The following ST13 variants were observed in gnomAD, a reference collection of about 807,000 sequenced individuals.
ST13 encodes ST13 Hsp70 interacting protein, also known as hsc70-interacting protein.
ST13 carries 23 observed loss-of-function variants against 56.7 expected under a neutral mutation model. The observed-to-expected ratio is 0.41, with a 90% CI of 0.29 to 0.57. ST13 has a LOEUF of 0.57. Ranked by LOEUF, ST13 falls within the 20% of genes least tolerant of loss-of-function variation. The pLI, the probability that ST13 is intolerant of heterozygous loss-of-function variation, is 0.36. For synonymous variants in ST13, 132 were observed against 142.4 expected, an observed-to-expected ratio of 0.93 and a Z score of 0.52; for missense variants, 369 against 459.9, an observed-to-expected ratio of 0.80 and a Z score of 1.81.
intron 8 of ST13, 31 bp downstream of exon 8, chr22:40,832,538 A>G (rs780130391): frequency 1.3e-6 from 2 of 1,527,496 alleles, no homozygotes; most frequent in South Asian, 2.2e-5. Context: ...GTATTTAACT[A>G]ATGACTTTCC....
intron 3 of ST13, 46 bp downstream of exon 3, chr22:40,848,247 TA>T: frequency 7.5e-7 from 1 of 1,339,024 alleles, no homozygotes; most frequent in Non-Finnish European, 1.1e-6. Context: ...ATCAACAAAG[TA>T]TCACATCATA....
intron 2 of ST13, among the ~76,000 whole-genome samples, chr22:40,850,185 T>C (rs953324242): frequency 6.6e-6 from 1 of 152,152 alleles, no homozygotes; most frequent in Non-Finnish European, 1.5e-5. Context: ...TTGAAGCCAG[T>C]AGGCTGAGGT....
At chr22:40,849,941 A>G (rs1406840400) in intron 2 of ST13, among the ~76,000 whole-genome samples, 1 of 151,596 alleles carries the variant, frequency 6.6e-6, no homozygotes, top group Non-Finnish European at 1.5e-5. Flanking sequence ...TTAGATATGA[A>G]GGCAGAAGAG....
chr22:40,855,509 T>C (rs997185474), intron 1 of ST13, among the ~76,000 whole-genome samples: 14 of 152,242 alleles, frequency 9.2e-5, no homozygotes, highest in African/African-American at 3.1e-4. Context: ...ATGGTCTGCA[T>C]AGTTGCTATT....
intron 4 of ST13, among the ~76,000 whole-genome samples, chr22:40,842,457 C>G (rs190306838): frequency 6.6e-6 from 1 of 152,278 alleles, no homozygotes; most frequent in Admixed American, 6.5e-5. Flanking sequence ...TTACAAATAA[C>G]CAAGTAGACT....
chr22:40,851,754 T>C (rs1169614163), intron 1 of ST13, among the ~76,000 whole-genome samples: 1 of 151,874 alleles, frequency 6.6e-6, no homozygotes, highest in African/African-American at 2.4e-5. Context: ...GGTTCTTTTT[T>C]TTTTTTTTTG....
intron 5 of ST13, among the ~76,000 whole-genome samples, chr22:40,838,905 C>T (rs867935265): frequency 2.8e-5 from 3 of 106,992 alleles, no homozygotes; most frequent in Middle Eastern, 4.8e-3. Flanking sequence ...AACAGTATAG[C>T]ATAAATAAAA....
Position 40,831,574 on chromosome 22 carries a change from TGTTTACACTTTGCTGACAAA to T in ST13, c.682-638_682-619del, listed in dbSNP as rs2057754262. ...TTCATATTCAACTGTCACTTTAGCT[TGTTTACACTTTGCTGACAAA>T]GTTACAACTTTGCCCTATTTTAAGA... On this transcript the variant is annotated intron_variant, in intron 8 of 11. Coordinates refer to ENST00000216218, the MANE Select transcript of ST13 (RefSeq NM_003932.5). Among the ~76,000 whole-genome samples, 5 of 152,366 alleles carry T rather than the reference TGTTTACACTTTGCTGACAAA, an allele frequency of 3.3e-5. No homozygotes were observed. The South Asian group carries it at 8.3e-4, about 25-fold the overall frequency.
intron 3 of ST13, 49 bp from the exon 4 acceptor site, chr22:40,844,958 T>C (rs1344578244): frequency 7.5e-7 from 1 of 1,324,652 alleles, no homozygotes; most frequent in Admixed American, 2.1e-5. Context: ...TACAATATAG[T>C]AGCCACTCCC....
chr22:40,826,168 G>C lies in ST13; in HGVS notation c.*370C>G. On this transcript the variant is annotated 3_prime_UTR_variant, in exon 12 of 12. Transcript: ENST00000216218. The stretch of plus-strand genomic sequence containing the variant: ...GCACTAATAACTTTTATTTCACTCA[G>C]AGCAGTAATCTTCCATACATAAGTA... 1 of 159,378 alleles carries C rather than the reference G, an allele frequency of 6.3e-6. No homozygotes were observed. The highest frequency in any genetic ancestry group is 1.4e-5 in the Non-Finnish European group (1 of 72,726). The allele number at this position is 159,378 out of a possible 1,614,324, so 9.9% of individuals were successfully genotyped here.
chr22:40,848,604 G>A (rs1301856824), intron 2 of ST13, among the ~76,000 whole-genome samples: 5 of 152,084 alleles, frequency 3.3e-5, no homozygotes, highest in East Asian at 1.9e-4. Context: ...TTAGCCGGAC[G>A]TGGTGGTGCC....
chr22:40,848,073 AT>A (rs770488330), intron 3 of ST13, among the ~76,000 whole-genome samples: 100 of 152,250 alleles, frequency 6.6e-4, no homozygotes, highest in Non-Finnish European at 1.2e-3. Flanking sequence ...ACAAAAAAAA[AT>A]ATTGATTACA....
chr22:40,833,632 T>C (rs1051154183), intron 7 of ST13, among the ~76,000 whole-genome samples: 1 of 151,642 alleles, frequency 6.6e-6, no homozygotes, highest in African/African-American at 2.4e-5. Flanking sequence ...TCCTAGCACT[T>C]TGGGAGGCTG....
chr22:40,841,817 T>C (rs1041559924), intron 4 of ST13, among the ~76,000 whole-genome samples: 1 of 151,876 alleles, frequency 6.6e-6, no homozygotes, highest in African/African-American at 2.4e-5. Context: ...GGTCTAGAAC[T>C]CTTGGACTCA....
intron 3 of ST13, among the ~76,000 whole-genome samples, chr22:40,845,805 CAAAA>C (rs552928048): frequency 1.4e-5 from 2 of 143,974 alleles, no homozygotes; most frequent in East Asian, 2.0e-4. Context: ...TTTCCTTAGT[CAAAA>C]AAAAAAAATT....
chr22:40,838,151 G>C (rs2057786459), intron 5 of ST13, among the ~76,000 whole-genome samples: 1 of 152,100 alleles, frequency 6.6e-6, no homozygotes, highest in African/African-American at 2.4e-5. Context: ...TGTTGTAGTG[G>C]GAAAGCAGCC....
intron 4 of ST13, among the ~76,000 whole-genome samples, chr22:40,841,931 A>T (rs1302993302): frequency 6.6e-6 from 1 of 152,190 alleles, no homozygotes; most frequent in African/African-American, 2.4e-5. Context: ...CACAGGATAC[A>T]AAGTCTATAT....
In ST13 at chr22:40,824,996, T is replaced by G. The variant is rs2057721044; in HGVS notation, c.*1542A>C. The G allele has an allele frequency of 6.6e-6, 1 of 152,122 alleles. No homozygotes were observed. Among genetic ancestry groups the G allele is most frequent in the African/African-American group, 2.4e-5 (1 of 41,432 alleles). The allele number at this position is 152,122 out of a possible 1,614,324, so 9.4% of individuals were successfully genotyped here. A position where few individuals can be genotyped will look rare whatever the true frequency, so the allele number is the denominator to read the frequency against. On this transcript the variant is annotated 3_prime_UTR_variant, in exon 12 of 12. Coordinates refer to ENST00000216218, the MANE Select transcript of ST13 (RefSeq NM_003932.5). ...CTGCTCCTACCACTGATTCTTCAAA[T>G]AAGCAAAGTACAGAAGGCCTTATCC...
At position 40,852,777 on chromosome 22, in the gene ST13, T is replaced by C. The variant is rs1232628188; in HGVS notation, c.111-1897A>G. On this transcript the variant is annotated intron_variant, in intron 1 of 11. Transcript: ENST00000216218. The stretch of plus-strand genomic sequence containing the variant: ...GAACAGGCATATAGACACCACAAAA[T>C]TCTTTTCTATGGAAACACTACTTTG... Among the ~76,000 whole-genome samples the C allele has an allele frequency of 3.3e-5, 5 of 152,298 alleles. No individual in the cohort carries two copies. The East Asian group carries it at 5.8e-4, about 18-fold the overall frequency.
Sources: allele counts gnomAD v4.1 joint callset (sites outside exome capture counted in the v4.1 genomes callset), GRCh38; gene constraint gnomAD v4.1.1; transcripts MANE v1.5; gene names NCBI Gene and HGNC (gene_info 2026-07-23, HGNC 2026-07-21).